CSMD1: variants seen among roughly 807,000 people sequenced by gnomAD.
CSMD1 encodes the protein CUB and Sushi multiple domains 1.
CSMD1 carries 213 observed loss-of-function variants against 417.5 expected under a neutral mutation model. That is an observed-to-expected ratio of 0.51 (90% CI 0.46 to 0.57). CSMD1 has a LOEUF of 0.57. Among genes scored for constraint, CSMD1 ranks in the 20% least tolerant of loss-of-function variants. The probability of loss-of-function intolerance (pLI) is 0.00; values close to 1 mark genes in which losing one functional copy is unlikely to be tolerated. For missense variants in CSMD1, 6,923 were observed against 4,529.7 expected (o/e 1.53, Z -15.17); for synonymous variants, 2,862 against 1,736.8 (o/e 1.65, Z -16.11).
intron 3 of CSMD1, among the ~76,000 whole-genome samples, chr8:4,385,152 C>T (rs1206591320): frequency 9.9e-6 from 1 of 100,654 alleles, no homozygotes; most frequent in African/African-American, 4.4e-5. Flanking sequence ...GTCTTGAACT[C>T]CTGACCTCAG....
chr8:3,196,629 C>G (rs1238758634), intron 33 of CSMD1, among the ~76,000 whole-genome samples: 1 of 152,144 alleles, frequency 6.6e-6, no homozygotes, highest in East Asian at 1.9e-4. Context: ...TTGATTATAT[C>G]ACAGCTGATG....
chr8:4,693,377 G>A (rs570743894), intron 1 of CSMD1, among the ~76,000 whole-genome samples: 1 of 152,342 alleles, frequency 6.6e-6, no homozygotes, highest in East Asian at 1.9e-4. Context: ...GGAGAAAACA[G>A]CTGGATGGTA....
At chr8:4,523,087 C>A (rs145319718) in intron 2 of CSMD1, among the ~76,000 whole-genome samples, 11 of 152,280 alleles carry the variant, frequency 7.2e-5, no homozygotes, top group Non-Finnish European at 1.0e-4. Context: ...AAACTCCAAC[C>A]TTTTGGTGGG....
intron 1 of CSMD1, among the ~76,000 whole-genome samples, chr8:4,854,343 C>T (rs1198299307): frequency 6.6e-6 from 1 of 152,128 alleles, no homozygotes; most frequent in Admixed American, 6.5e-5. Context: ...TTCCTGCTGT[C>T]CTCATAGTAG....
intron 5 of CSMD1, among the ~76,000 whole-genome samples, chr8:3,874,495 C>T (rs928480463): frequency 6.6e-6 from 1 of 152,280 alleles, no homozygotes; most frequent in African/African-American, 2.4e-5. Flanking sequence ...TCTTTTATGA[C>T]GTTGCATTGA....
chr8:4,864,111 T>C (rs541910843), intron 1 of CSMD1, among the ~76,000 whole-genome samples: 8 of 152,112 alleles, frequency 5.3e-5, no homozygotes, highest in East Asian at 3.9e-4. Context: ...AAATTATAGT[T>C]GAAAACTTTG....
intron 3 of CSMD1, among the ~76,000 whole-genome samples, chr8:4,300,876 A>G (rs1797947231): frequency 6.6e-6 from 1 of 152,156 alleles, no homozygotes; most frequent in Non-Finnish European, 1.5e-5. Flanking sequence ...ATCATTTTTT[A>G]TGGCTACATA....
chr8:3,974,669 C>T (rs1268167163), intron 5 of CSMD1, among the ~76,000 whole-genome samples: 1 of 131,390 alleles, frequency 7.6e-6, no homozygotes, highest in Non-Finnish European at 1.6e-5. Flanking sequence ...AAACAGCGTG[C>T]AGCTCTTTTT....
chr8:3,746,205 T>C (rs1022873907), intron 6 of CSMD1, among the ~76,000 whole-genome samples: 1 of 152,244 alleles, frequency 6.6e-6, no homozygotes, highest in Non-Finnish European at 1.5e-5. Flanking sequence ...AGGACTGATA[T>C]GCTGAAAGCC....
chr8:3,514,375 C>G (rs1487690642), intron 10 of CSMD1, among the ~76,000 whole-genome samples: 1 of 152,146 alleles, frequency 6.6e-6, no homozygotes, highest in Non-Finnish European at 1.5e-5. Context: ...TACTGCACAC[C>G]TAGCAATACA....
chr8:4,371,857 T>C (rs66476968), intron 3 of CSMD1, among the ~76,000 whole-genome samples: 40,551 of 152,164 alleles, frequency 0.27, 5,753 homozygotes, highest in East Asian at 0.36. Context: ...TTGATCAAAA[T>C]AAATATTTAC....
intron 2 of CSMD1, among the ~76,000 whole-genome samples, chr8:4,442,769 G>C (rs957892364): frequency 6.6e-6 from 1 of 152,202 alleles, no homozygotes; most frequent in Non-Finnish European, 1.5e-5. Flanking sequence ...TCCAAAGACA[G>C]TAATGGTCTG....
intron 12 of CSMD1, among the ~76,000 whole-genome samples, chr8:3,456,817 G>T (rs916104268): frequency 2.6e-5 from 4 of 152,088 alleles, no homozygotes; most frequent in Non-Finnish European, 4.4e-5. Context: ...AAGGCCAGGG[G>T]TATTCAGAAC....
At chr8:4,313,882 T>C (rs1276309584) in intron 3 of CSMD1, among the ~76,000 whole-genome samples, 2 of 151,910 alleles carry the variant, frequency 1.3e-5, no homozygotes, top group Admixed American at 6.6e-5. Flanking sequence ...GGCATGGTGG[T>C]GCACACCTGT....
At position 3,726,481 on chromosome 8, in the gene CSMD1, C is replaced by T. The variant is rs140200930; in HGVS notation, c.932-17990G>A. ...TGAATGTGTAGAGCCAGATGGGATG[C>T]TTTAAACCAGAGATGAGAGGCCAAC... is the stretch of plus-strand genomic sequence containing the variant. On this transcript the variant is annotated intron_variant, in intron 6 of 69. Coordinates refer to ENST00000635120, the MANE Select transcript of CSMD1 (RefSeq NM_033225.6). 1.4e-3 allele frequency among the ~76,000 whole-genome samples: 217 copies of T among 152,300 alleles called. 1 individual carries two copies. The Middle Eastern group carries it at 0.017, about 12-fold the overall frequency.
intron 15 of CSMD1, among the ~76,000 whole-genome samples, chr8:3,401,874 T>C (rs1324830036): frequency 6.6e-6 from 1 of 151,996 alleles, no homozygotes; most frequent in South Asian, 2.1e-4. Context: ...TCATCAATCA[T>C]GTTCATACTC....
At chr8:4,344,594 C>G (rs962375744) in intron 3 of CSMD1, among the ~76,000 whole-genome samples, 1 of 150,986 alleles carries the variant, frequency 6.6e-6, no homozygotes, top group African/African-American at 2.4e-5. Flanking sequence ...GACAATGACT[C>G]GCTGGGTTAT....
intron 34 of CSMD1, among the ~76,000 whole-genome samples, chr8:3,189,682 A>C (rs930888028): frequency 4.1e-5 from 6 of 147,270 alleles, no homozygotes; most frequent in African/African-American, 1.5e-4. Context: ...TACTTCATAA[A>C]TATGGAGAAG....
At chr8:4,393,356 A>T (rs750902581) in intron 3 of CSMD1, among the ~76,000 whole-genome samples, 1 of 152,220 alleles carries the variant, frequency 6.6e-6, no homozygotes, top group African/African-American at 2.4e-5. Flanking sequence ...CATTTTCTAA[A>T]TTGCCAAGGC....
Sources: allele counts gnomAD v4.1 joint callset (sites outside exome capture counted in the v4.1 genomes callset), GRCh38; gene constraint gnomAD v4.1.1; transcripts MANE v1.5; gene names NCBI Gene and HGNC (gene_info 2026-07-23, HGNC 2026-07-21).